Variants in TMCC1 observed in about 807,000 individuals in gnomAD.
The protein encoded by TMCC1 is transmembrane and coiled-coil domains protein 1.
Under a neutral mutation model 52.4 loss-of-function variants are expected in TMCC1, and 15 were observed. The ratio of observed to expected loss-of-function variants is 0.29; its 90% confidence interval spans 0.19 to 0.44. The LOEUF is 0.44. TMCC1 is among the 20% of genes least tolerant of loss of function. TMCC1 has a pLI of 1.00. For synonymous variants in TMCC1, 279 were observed against 301.9 expected (o/e 0.92, Z 0.79); for missense variants, 503 against 806.0 (o/e 0.62, Z 4.55).
chr3:129,672,297 G>C (rs145897791), intron 4 of TMCC1, among the ~76,000 whole-genome samples: 240 of 152,182 alleles, frequency 1.6e-3, no homozygotes, highest in African/African-American at 5.5e-3. Flanking sequence ...CAAAGAAGAA[G>C]GCTCTAGAAA....
chr3:129,829,586 CA>C (rs777592370), intron 3 of TMCC1, among the ~76,000 whole-genome samples: 21 of 151,896 alleles, frequency 1.4e-4, no homozygotes, highest in Middle Eastern at 3.4e-3. Flanking sequence ...GAAGCTGCTA[CA>C]GAATGCAAAA....
intron 4 of TMCC1, among the ~76,000 whole-genome samples, chr3:129,796,224 T>C (rs2056810185): frequency 6.6e-6 from 1 of 152,210 alleles, no homozygotes; most frequent in South Asian, 2.1e-4. Context: ...TACAGTAACA[T>C]GCTATATAGG....
At chr3:129,754,394 A>T (rs1329222743) in intron 4 of TMCC1, among the ~76,000 whole-genome samples, 2 of 152,218 alleles carry the variant, frequency 1.3e-5, no homozygotes, top group Non-Finnish European at 2.9e-5. Flanking sequence ...ATGAAAAGAC[A>T]AGGAATTAGA....
chr3:129,675,890 A>T (rs2088388514), intron 4 of TMCC1, among the ~76,000 whole-genome samples: 1 of 152,010 alleles, frequency 6.6e-6, no homozygotes, highest in Admixed American at 6.6e-5. Flanking sequence ...ACAAAAAATT[A>T]GCTGGGCGTG....
chr3:129,761,277 G>A lies in TMCC1; in HGVS notation c.576+66526C>T, dbSNP rs1177657206. Among the ~76,000 whole-genome samples the A allele has an allele frequency of 5.5e-5, 8 of 145,008 alleles. No homozygotes were observed. In the East Asian group the frequency reaches 1.3e-3, roughly 23 times the overall value. On this transcript the variant is annotated intron_variant, in intron 4 of 6. Coordinates refer to ENST00000393238, the MANE Select transcript of TMCC1 (RefSeq NM_001017395.5). The stretch of plus-strand genomic sequence containing the variant: ...TGGGAGGCGGAGCTTGCAGTGAGCC[G>A]AGATGGCGCCACTGCACTCCAGCCT...
intron 2 of TMCC1, among the ~76,000 whole-genome samples, chr3:129,833,075 AAAAGAT>A (rs770853543): frequency 1.6e-4 from 24 of 152,240 alleles, no homozygotes; most frequent in Non-Finnish European, 3.4e-4. Flanking sequence ...TAGCACTTGA[AAAAGAT>A]AAAGTGGCAA....
chr3:129,746,144 A>T (rs2051938633), intron 4 of TMCC1, among the ~76,000 whole-genome samples: 1 of 151,832 alleles, frequency 6.6e-6, no homozygotes, highest in Non-Finnish European at 1.5e-5. Flanking sequence ...GAAATTAATA[A>T]ATATGCATAT....
At chr3:129,740,263 C>T (rs2051348897) in intron 4 of TMCC1, among the ~76,000 whole-genome samples, 1 of 152,186 alleles carries the variant, frequency 6.6e-6, no homozygotes, top group Non-Finnish European at 1.5e-5. Flanking sequence ...GCAGAAATTG[C>T]AAGTCTGCTA....
chr3:129,715,760 A>G (rs1427072581), intron 4 of TMCC1, among the ~76,000 whole-genome samples: 1 of 152,114 alleles, frequency 6.6e-6, no homozygotes. Flanking sequence ...ACTGTGTCTT[A>G]TATCTTATAC....
chr3:129,726,608 A>G (rs2050105444), intron 4 of TMCC1, among the ~76,000 whole-genome samples: 1 of 151,852 alleles, frequency 6.6e-6, no homozygotes, highest in South Asian at 2.1e-4. Context: ...GCCGGGCATG[A>G]TGGCTCACAC....
At chr3:129,825,563 T>C (rs2058622280) in intron 4 of TMCC1, among the ~76,000 whole-genome samples, 1 of 152,072 alleles carries the variant, frequency 6.6e-6, no homozygotes, top group Admixed American at 6.6e-5. Context: ...TGAGACAGGG[T>C]CTTGCTTTGT....
chr3:129,797,417 CA>C (rs201049533), intron 4 of TMCC1, among the ~76,000 whole-genome samples: 7 of 150,508 alleles, frequency 4.7e-5, no homozygotes, highest in African/African-American at 7.3e-5. Context: ...GCCAAGTCTC[CA>C]AAAAAAAATT....
chr3:129,769,253 G>T (rs1022953194), intron 4 of TMCC1, among the ~76,000 whole-genome samples: 2 of 152,088 alleles, frequency 1.3e-5, no homozygotes, highest in Non-Finnish European at 2.9e-5. Context: ...GTTTTGAGAC[G>T]GAGTCTCGCT....
chr3:129,815,497 G>T (rs1159152250), intron 4 of TMCC1, among the ~76,000 whole-genome samples: 1 of 152,060 alleles, frequency 6.6e-6, no homozygotes, highest in Non-Finnish European at 1.5e-5. Context: ...CATACAATGG[G>T]GTAAGAACAG....
chr3:129,796,861 T>C (rs2056864230), intron 4 of TMCC1, among the ~76,000 whole-genome samples: 1 of 152,088 alleles, frequency 6.6e-6, no homozygotes, highest in Non-Finnish European at 1.5e-5. Flanking sequence ...ACATCAATAT[T>C]ATTGTGAGAA....
At chr3:129,660,215 G>A (rs554648224) in intron 5 of TMCC1, among the ~76,000 whole-genome samples, 8 of 152,184 alleles carry the variant, frequency 5.3e-5, no homozygotes, top group African/African-American at 9.6e-5. Context: ...TGGCGTGATC[G>A]TGGCTCATTG....
intron 2 of TMCC1, among the ~76,000 whole-genome samples, chr3:129,856,373 T>C (rs2060146503): frequency 6.6e-6 from 1 of 152,164 alleles, no homozygotes; most frequent in South Asian, 2.1e-4. Flanking sequence ...CTGGGGACTG[T>C]GACCTTAACC....
At chr3:129,807,385 G>T (rs961252461) in intron 4 of TMCC1, among the ~76,000 whole-genome samples, 1 of 152,088 alleles carries the variant, frequency 6.6e-6, no homozygotes, top group Non-Finnish European at 1.5e-5. Flanking sequence ...AATATTGAAA[G>T]AAGTTTTTTA....
At chr3:129,866,341 A>G (rs906935926) in intron 2 of TMCC1, among the ~76,000 whole-genome samples, 2 of 141,348 alleles carry the variant, frequency 1.4e-5, no homozygotes, top group East Asian at 2.0e-4. Flanking sequence ...CATAATATAT[A>G]TTATATATAC....
Sources: allele counts gnomAD v4.1 joint callset (sites outside exome capture counted in the v4.1 genomes callset), GRCh38; gene constraint gnomAD v4.1.1; transcripts MANE v1.5; gene names NCBI Gene and HGNC (gene_info 2026-07-23, HGNC 2026-07-21).